DIS3L2: variants seen among roughly 807,000 people sequenced by gnomAD.
The protein encoded by DIS3L2 is DIS3 like 3'-5' exoribonuclease 2.
Under a neutral mutation model 97.5 loss-of-function variants are expected in DIS3L2, and 34 were observed. The observed-to-expected ratio is 0.35, with a 90% CI of 0.27 to 0.46. The LOEUF (loss-of-function observed/expected upper bound fraction) is 0.46, where lower values mean the gene tolerates loss of function less well. Ranked by LOEUF, DIS3L2 falls within the 20% of genes least tolerant of loss-of-function variation. The pLI is 1.00. For missense variants in DIS3L2, 1,038 were observed against 1,146.0 expected (o/e 0.91, Z 1.36); for synonymous variants, 435 against 445.2 (o/e 0.98, Z 0.29).
At chr2:232,290,519 G>T (rs1694572568) in intron 13 of DIS3L2, among the ~76,000 whole-genome samples, 1 of 152,136 alleles carries the variant, frequency 6.6e-6, no homozygotes, top group African/African-American at 2.4e-5. Flanking sequence ...TTGACCTGGG[G>T]GCATGAATGC....
chr2:232,143,324 C>T (rs1421770744), intron 8 of DIS3L2, among the ~76,000 whole-genome samples: 3 of 152,078 alleles, frequency 2.0e-5, no homozygotes, highest in African/African-American at 4.8e-5. Flanking sequence ...GTTGCAGTGC[C>T]ATTCAGATTA....
chr2:232,189,881 C>T (rs947075959), intron 9 of DIS3L2, among the ~76,000 whole-genome samples: 6 of 152,062 alleles, frequency 3.9e-5, no homozygotes, highest in East Asian at 3.9e-4. Flanking sequence ...CTACAATTAT[C>T]GCAACATAAA....
chr2:232,308,756 G>C (rs1695046188), intron 14 of DIS3L2, among the ~76,000 whole-genome samples: 1 of 152,158 alleles, frequency 6.6e-6, no homozygotes, highest in South Asian at 2.1e-4. Flanking sequence ...TGAGCACATA[G>C]TTCTTTCTGC....
intron 9 of DIS3L2, among the ~76,000 whole-genome samples, chr2:232,185,944 A>G (rs1244783121): frequency 6.6e-6 from 1 of 152,152 alleles, no homozygotes; most frequent in African/African-American, 2.4e-5. Context: ...GGAAATTGGA[A>G]AACGGTAGAG....
In DIS3L2 at chr2:232,281,731, A is replaced by C. The variant is rs1694290560; in HGVS notation, c.1659+18291A>C. Among the ~76,000 whole-genome samples the C allele has an allele frequency of 6.6e-6, 1 of 152,182 alleles. No homozygotes were observed. The highest frequency in any genetic ancestry group is 2.4e-5 in the African/African-American group (1 of 41,446). ...CCCAGGAGCATCATCGGCACCACCC[A>C]GGGGAGGAAGAGCAGGCATTGGGTG... On this transcript the variant is annotated intron_variant, in intron 13 of 20. Transcript: ENST00000325385. The surrounding 1 kb of genome is among the most constrained non-coding windows in gnomAD (Gnocchi z 4.1).
intron 5 of DIS3L2, among the ~76,000 whole-genome samples, chr2:232,063,039 A>G (rs1194908748): frequency 1.3e-5 from 2 of 151,904 alleles, no homozygotes; most frequent in African/African-American, 4.8e-5. Flanking sequence ...CCTGTTTGTA[A>G]CTAATCTATT....
At chr2:232,245,365 C>T (rs1014421098) in intron 11 of DIS3L2, among the ~76,000 whole-genome samples, 3 of 152,192 alleles carry the variant, frequency 2.0e-5, no homozygotes, top group African/African-American at 7.2e-5. Flanking sequence ...GGCTGCCTGC[C>T]TCTCCTTTCC....
chr2:232,087,827 TA>T, intron 6 of DIS3L2, 106 bp downstream of exon 6: 1 of 924,016 alleles, frequency 1.1e-6, no homozygotes. Flanking sequence ...GATATAGTCC[TA>T]ATTTTTGACC....
intron 9 of DIS3L2, among the ~76,000 whole-genome samples, chr2:232,181,350 T>G (rs1249258): frequency 6.6e-6 from 1 of 151,660 alleles, no homozygotes; most frequent in East Asian, 1.9e-4. Flanking sequence ...TGAATCTGAA[T>G]GTTGGGCTGC....
At chr2:232,272,013 T>A (rs554507035) in intron 13 of DIS3L2, among the ~76,000 whole-genome samples, 2 of 152,376 alleles carry the variant, frequency 1.3e-5, no homozygotes, top group Admixed American at 1.3e-4. Flanking sequence ...CCACTATTTC[T>A]GGCTTGTTCA....
Position 232,132,850 on chromosome 2 carries a change from G to C in DIS3L2, c.702+2131G>C, listed in dbSNP as rs528348190. 3.9e-5 allele frequency among the ~76,000 whole-genome samples: 6 copies of C among 152,124 alleles called. No individual in the cohort carries two copies. In the South Asian group the frequency reaches 1.2e-3, roughly 32 times the overall value. On this transcript the variant is annotated intron_variant, in intron 7 of 20. Transcript: ENST00000325385. ...AGCCTCTTTGTTTCTGTGGGACTGCGACTCTCGTCTACCCAGAGGCACTGA... is the reference window on the plus strand; with the variant it reads ...AGCCTCTTTGTTTCTGTGGGACTGCCACTCTCGTCTACCCAGAGGCACTGA...
intron 1 of DIS3L2, among the ~76,000 whole-genome samples, chr2:231,979,937 C>A (rs1239933887): frequency 6.6e-6 from 1 of 152,070 alleles, no homozygotes; most frequent in South Asian, 2.1e-4. Context: ...TGTGCTATTA[C>A]CATTTGAGTG....
chr2:232,117,235 A>G (rs747352560), intron 6 of DIS3L2, among the ~76,000 whole-genome samples: 1 of 152,114 alleles, frequency 6.6e-6, no homozygotes, highest in Non-Finnish European at 1.5e-5. Context: ...TCACCTCTCC[A>G]TCAGGGAAGG....
intron 6 of DIS3L2, among the ~76,000 whole-genome samples, chr2:232,117,660 C>T (rs1481097750): frequency 6.6e-6 from 1 of 152,204 alleles, no homozygotes; most frequent in East Asian, 1.9e-4. Context: ...TTTGCTCTTG[C>T]ATCTGCCCAT....
intron 9 of DIS3L2, among the ~76,000 whole-genome samples, chr2:232,167,369 CTGTT>C (rs1236930213): frequency 1.3e-5 from 2 of 151,596 alleles, no homozygotes; most frequent in African/African-American, 2.4e-5. Flanking sequence ...GTATAGAAAA[CTGTT>C]TATATAGTAA....
chr2:232,314,845 A>T (rs1695227123), intron 14 of DIS3L2, among the ~76,000 whole-genome samples: 1 of 152,170 alleles, frequency 6.6e-6, no homozygotes, highest in South Asian at 2.1e-4. Flanking sequence ...TTTATAGCAC[A>T]TGAAGATGTG....
At chr2:232,327,167 C>G (rs1695601552) in intron 14 of DIS3L2, among the ~76,000 whole-genome samples, 1 of 152,212 alleles carries the variant, frequency 6.6e-6, no homozygotes, top group Non-Finnish European at 1.5e-5. Flanking sequence ...GGGGCATGGG[C>G]ACAGAGGAGT....
intron 5 of DIS3L2, among the ~76,000 whole-genome samples, chr2:232,038,050 C>T (rs536775374): frequency 1.3e-5 from 2 of 152,338 alleles, no homozygotes; most frequent in South Asian, 4.1e-4. Context: ...AGATCCACCT[C>T]CCAGCTTCAT....
At chr2:232,165,589 G>A (rs1213200985) in intron 9 of DIS3L2, among the ~76,000 whole-genome samples, 1 of 152,176 alleles carries the variant, frequency 6.6e-6, no homozygotes, top group Non-Finnish European at 1.5e-5. Context: ...CAGTGGTGCA[G>A]TCATCGCTCA....
Sources: allele counts gnomAD v4.1 joint callset (sites outside exome capture counted in the v4.1 genomes callset), GRCh38; gene constraint gnomAD v4.1.1; non-coding constraint Gnocchi (gnomAD v3.1); transcripts MANE v1.5; gene names NCBI Gene and HGNC (gene_info 2026-07-23, HGNC 2026-07-21).